Variants in ZFPM2 observed in about 807,000 individuals in gnomAD.
ZFPM2 encodes the protein zinc finger protein, FOG family member 2.
A neutral mutation model predicts 98.6 loss-of-function variants in ZFPM2; 20 were observed. That is an observed-to-expected ratio of 0.20 (90% CI 0.14 to 0.29). The LOEUF (loss-of-function observed/expected upper bound fraction) is 0.29. ZFPM2 is among the 10% of genes least tolerant of loss of function. The pLI is 1.00. For missense variants in ZFPM2, 1,310 were observed against 1,388.6 expected, an observed-to-expected ratio of 0.94 and a Z score of 0.90; for synonymous variants, 518 against 502.7, an observed-to-expected ratio of 1.03 and a Z score of -0.41.
At chr8:105,443,334 A>AAAAAAAAAAAAAAAAAC (rs1812304313) in intron 2 of ZFPM2, among the ~76,000 whole-genome samples, 1 of 151,296 alleles carries the variant, frequency 6.6e-6, no homozygotes, top group African/African-American at 2.4e-5. Context: ...AACAAAAAAA[A>AAAAAAAAAAAAAAAAAC]AAAAACTTGG....
At position 105,359,522 on chromosome 8, in the gene ZFPM2, G is replaced by A. The variant is rs573724835; in HGVS notation, c.40+40541G>A. Among the ~76,000 whole-genome samples, 347 of 151,690 alleles carry A rather than the reference G, an allele frequency of 2.3e-3. 2 individuals are homozygous for A. The highest frequency in any genetic ancestry group is 7.2e-3 in the African/African-American group (298 of 41,406). On this transcript the variant is annotated intron_variant, in intron 1 of 7. Coordinates refer to ENST00000407775, the MANE Select transcript of ZFPM2 (RefSeq NM_012082.4). The stretch of plus-strand genomic sequence containing the variant: ...TCCGAGTAGCTGGGACTACAGGCAC[G>A]TGCCACCATGCCTGGCTAATTTTTT...
chr8:105,791,443 C>G (rs892490001), intron 6 of ZFPM2, among the ~76,000 whole-genome samples: 1 of 152,136 alleles, frequency 6.6e-6, no homozygotes, highest in Non-Finnish European at 1.5e-5. Context: ...ATGAAGCCCA[C>G]TTGATCATGG....
chr8:105,763,318 CT>C lies in ZFPM2; in HGVS notation c.533-25398del, dbSNP rs1156551203. Among the ~76,000 whole-genome samples the C allele has an allele frequency of 5.3e-5, 8 of 151,866 alleles. No individual in the cohort carries two copies. The South Asian group carries it at 1.7e-3, about 32-fold the overall frequency. On this transcript the variant is annotated intron_variant, in intron 5 of 7. Coordinates refer to ENST00000407775, the MANE Select transcript of ZFPM2 (RefSeq NM_012082.4). ...CTGAAAGCTATACAGGACCAATCTC[CT>C]TCCAGAATAACAGTCTGAAATCAAT...
intron 5 of ZFPM2, among the ~76,000 whole-genome samples, chr8:105,783,535 C>A (rs544990309): frequency 6.6e-6 from 1 of 152,188 alleles, no homozygotes; most frequent in South Asian, 2.1e-4. Flanking sequence ...TTATGCTAAA[C>A]CTAAATCCTC....
chr8:105,441,452 G>GTGAA (rs1812239067), intron 2 of ZFPM2, among the ~76,000 whole-genome samples: 4 of 38,934 alleles, frequency 1.0e-4, no homozygotes, highest in Non-Finnish European at 1.7e-4. Flanking sequence ...GAGAGAGAGA[G>GTGAA]AGAAAGAAAG....
chr8:105,678,138 G>T (rs1283933951), intron 5 of ZFPM2, among the ~76,000 whole-genome samples: 2 of 152,160 alleles, frequency 1.3e-5, no homozygotes, highest in South Asian at 2.1e-4. Flanking sequence ...AGATACAGAA[G>T]TTTGGCACAA....
intron 1 of ZFPM2, among the ~76,000 whole-genome samples, chr8:105,343,528 G>A (rs1463627133): frequency 2.6e-5 from 4 of 152,124 alleles, no homozygotes; most frequent in Admixed American, 6.6e-5. Context: ...CTTCCTTGTA[G>A]GTCAGAAGGA....
intron 5 of ZFPM2, among the ~76,000 whole-genome samples, chr8:105,773,883 C>G (rs1315868328): frequency 6.6e-6 from 1 of 152,036 alleles, no homozygotes; most frequent in East Asian, 1.9e-4. Context: ...AACACACTCA[C>G]TCATACTCCA....
chr8:105,492,903 T>TA (rs2130438139), intron 3 of ZFPM2, among the ~76,000 whole-genome samples: 1 of 152,308 alleles, frequency 6.6e-6, no homozygotes, highest in African/African-American at 2.4e-5. Flanking sequence ...ACATAGTAAT[T>TA]AATGCCCTGC....
chr8:105,461,297 T>A (rs1812700237), intron 3 of ZFPM2, among the ~76,000 whole-genome samples: 1 of 152,140 alleles, frequency 6.6e-6, no homozygotes, highest in Admixed American at 6.5e-5. Context: ...ATGCCAGATA[T>A]TCAAATACAG....
At chr8:105,334,432 A>G (rs558380898) in intron 1 of ZFPM2, among the ~76,000 whole-genome samples, 1 of 151,806 alleles carries the variant, frequency 6.6e-6, no homozygotes, top group South Asian at 2.1e-4. Context: ...ACTCAAGTGA[A>G]GATTATGCTC....
At chr8:105,617,451 A>G (rs1401418509) in intron 4 of ZFPM2, among the ~76,000 whole-genome samples, 1 of 152,156 alleles carries the variant, frequency 6.6e-6, no homozygotes, top group Non-Finnish European at 1.5e-5. Context: ...ATGTGTTTTA[A>G]GTGTAGAATC....
intron 6 of ZFPM2, among the ~76,000 whole-genome samples, chr8:105,794,740 G>C (rs1002930655): frequency 6.6e-5 from 10 of 152,200 alleles, no homozygotes; most frequent in Admixed American, 3.3e-4. Flanking sequence ...CCACCCAGTT[G>C]GAGCTTCCCG....
chr8:105,366,837 C>T (rs1011718220), intron 1 of ZFPM2, among the ~76,000 whole-genome samples: 1 of 151,386 alleles, frequency 6.6e-6, no homozygotes, highest in Admixed American at 6.6e-5. Context: ...AGGTTTTCTT[C>T]TAGGGTTTTT....
intron 1 of ZFPM2, among the ~76,000 whole-genome samples, chr8:105,377,605 TCCAAAAA>T (rs1438145898): frequency 1.2e-3 from 12 of 9,842 alleles, no homozygotes; most frequent in Non-Finnish European, 2.1e-3. Flanking sequence ...TTCTTAAAAA[TCCAAAAA>T]AAAAAAAAAA....
intron 1 of ZFPM2, among the ~76,000 whole-genome samples, chr8:105,376,781 C>T (rs1163172149): frequency 6.6e-6 from 1 of 152,172 alleles, no homozygotes; most frequent in Non-Finnish European, 1.5e-5. Context: ...TCTTCTCTTG[C>T]CCAGATTATT....
intron 3 of ZFPM2, among the ~76,000 whole-genome samples, chr8:105,527,802 A>G (rs1814207909): frequency 1.3e-5 from 2 of 152,196 alleles, no homozygotes; most frequent in African/African-American, 4.8e-5. Context: ...TTAAAAAGAT[A>G]TAACCTGGAT....
intron 4 of ZFPM2, among the ~76,000 whole-genome samples, chr8:105,608,698 T>C (rs939506116): frequency 2.0e-5 from 3 of 150,964 alleles, no homozygotes; most frequent in African/African-American, 7.3e-5. Context: ...GAATTTGAAA[T>C]TATAGTAAGA....
intron 5 of ZFPM2, among the ~76,000 whole-genome samples, chr8:105,648,090 T>C (rs535317336): frequency 1.3e-5 from 2 of 152,218 alleles, no homozygotes; most frequent in Admixed American, 6.5e-5. Flanking sequence ...TGAGATGGTA[T>C]CTCATTGTGG....
Sources: allele counts gnomAD v4.1 joint callset (sites outside exome capture counted in the v4.1 genomes callset), GRCh38; gene constraint gnomAD v4.1.1; transcripts MANE v1.5; gene names NCBI Gene and HGNC (gene_info 2026-07-23, HGNC 2026-07-21).